The following UBASH3A variants were observed in gnomAD, a reference collection of about 807,000 sequenced individuals.
UBASH3A encodes ubiquitin associated and SH3 domain containing A.
Under a neutral mutation model 73.5 loss-of-function variants are expected in UBASH3A, and 63 were observed. That is an observed-to-expected ratio of 0.86 (90% CI 0.70 to 1.06). The LOEUF is 1.06. Among genes scored for constraint, UBASH3A ranks in the 50% least tolerant of loss-of-function variants. UBASH3A has a pLI of 0.00. For missense variants in UBASH3A, 860 were observed against 859.0 expected (o/e 1.00, Z -0.02); for synonymous variants, 363 against 351.1 (o/e 1.03, Z -0.38).
chr21:42,426,845 T>A lies in UBASH3A; in HGVS notation c.1170+25T>A, dbSNP rs77638392. The stretch of plus-strand genomic sequence containing the variant: ...GGTAATAGAACATTCCCTTTTTTCT[T>A]TTAAGTAAACTAAGCAAAACTACAC... On this transcript the variant is annotated intron_variant, in intron 8 of 14. Transcript: ENST00000319294. The A allele has an allele frequency of 3.2e-3, 5,167 of 1,611,034 alleles. 157 individuals carry two copies. In the African/African-American group the frequency reaches 0.06, roughly 19 times the overall value.
At position 42,441,633 on chromosome 21, in the gene UBASH3A, G is replaced by A. The variant is rs1291281375; in HGVS notation, c.1487-819G>A. On this transcript the variant is annotated intron_variant, in intron 11 of 14. Coordinates refer to ENST00000319294, the MANE Select transcript of UBASH3A (RefSeq NM_018961.4). ...CTGGTTGATGGGGGAGGACTCGGGG[G>A]CCTGGTTGATGGGGGAGGACTTGGA... Among the ~76,000 whole-genome samples the A allele has an allele frequency of 2.4e-5, 3 of 122,466 alleles. No individual in the cohort carries two copies. The South Asian group carries it at 1.0e-3, about 41-fold the overall frequency. The allele number at this position is 122,466 out of a possible 152,430, so 80.3% of individuals were successfully genotyped here.
At position 42,413,814 on chromosome 21, in the gene UBASH3A, T is replaced by G. The variant is rs1487699230; in HGVS notation, c.667+291T>G. On this transcript the variant is annotated intron_variant, in intron 5 of 14. Transcript: ENST00000319294. The surrounding 1 kb of genome is among the most constrained non-coding windows in gnomAD (Gnocchi z 4.5). Reference sequence around the variant, plus strand: ...TGAGCTTAGTGCTCTCTCCTTGGCCTCTCCAGGGAAAGATTATTTAGACTC... The same window carrying G: ...TGAGCTTAGTGCTCTCTCCTTGGCCGCTCCAGGGAAAGATTATTTAGACTC... 2.6e-5 allele frequency among the ~76,000 whole-genome samples: 4 copies of G among 152,104 alleles called. No individual in the cohort carries two copies. Among genetic ancestry groups the G allele is most frequent in the Non-Finnish European group, 4.4e-5 (3 of 68,032 alleles).
intron 3 of UBASH3A, among the ~76,000 whole-genome samples, chr21:42,410,967 TACAC>T (rs2053081026): frequency 1.8e-5 from 2 of 113,358 alleles, no homozygotes; most frequent in South Asian, 5.5e-4. Context: ...CACACACAGA[TACAC>T]ACACATACAT....
chr21:42,416,672 C>T (rs113577025), intron 6 of UBASH3A, 61 bp downstream of exon 6: 1 of 1,392,200 alleles, frequency 7.2e-7, no homozygotes, highest in Non-Finnish European at 9.4e-7. Flanking sequence ...CGGTGGCTCA[C>T]GCCTGTAATC....
chr21:42,447,010 T>G (rs927272829), intron 14 of UBASH3A, 47 bp from the exon 15 acceptor site: 1 of 1,582,434 alleles, frequency 6.3e-7, no homozygotes, highest in Non-Finnish European at 8.6e-7. Context: ...CTGAAATTGA[T>G]GGACTTGCTA....
At chr21:42,442,372 G>C (rs951946635) in intron 11 of UBASH3A, 80 bp from the exon 12 acceptor site, 1 of 1,428,786 alleles carries the variant, frequency 7.0e-7, no homozygotes, top group Admixed American at 1.8e-5. Flanking sequence ...GTGACGGTCT[G>C]AGATCTAAAA....
chr21:42,443,522 C>T, intron 13 of UBASH3A, 104 bp downstream of exon 13: 2 of 943,640 alleles, frequency 2.1e-6, no homozygotes, highest in South Asian at 1.8e-5. Context: ...GCCCCTACTT[C>T]TCCTGCCTGC....
chr21:42,405,021 T>C (rs1455768700), intron 1 of UBASH3A, among the ~76,000 whole-genome samples: 1 of 152,176 alleles, frequency 6.6e-6, no homozygotes, highest in Non-Finnish European at 1.5e-5. Flanking sequence ...TTTTTTCACA[T>C]GGAAAAATGT....
Position 42,403,957 on chromosome 21 carries a change from G to A in UBASH3A, c.12G>A (p.Gly4=), listed in dbSNP as rs1398505319. 2.0e-6 allele frequency: 3 copies of A among 1,509,928 alleles called. No individual in the cohort carries two copies. The highest frequency in any genetic ancestry group is 2.7e-6 in the Non-Finnish European group (3 of 1,122,988). 93.5% of individuals were successfully genotyped at this position (1,509,928 alleles called of 1,614,324 possible). Residue 4 remains glycine, a synonymous_variant, in exon 1 of 15, where the codon GGG becomes GGA. Transcript: ENST00000319294. The part of the protein sequence containing the change: MAA[G]ETQLYAKVSN... ...AAGGGCAGGAAGAGATGGCAGCGGG[G>A]GAGACGCAGCTCTACGCCAAGGTCT...
chr21:42,426,626 C>T, intron 7 of UBASH3A, 71 bp from the exon 8 acceptor site: 3 of 1,573,524 alleles, frequency 1.9e-6, no homozygotes, highest in Non-Finnish European at 2.6e-6. Flanking sequence ...ACATACATGA[C>T]CAGATGCTGG....
intron 3 of UBASH3A, among the ~76,000 whole-genome samples, chr21:42,412,240 A>C (rs1344998531): frequency 1.3e-5 from 2 of 152,250 alleles, no homozygotes; most frequent in South Asian, 4.2e-4. Context: ...CCCCGTGGGC[A>C]AGGCTGTCGG....
chr21:42,405,918 G>A (rs892476727), intron 1 of UBASH3A, among the ~76,000 whole-genome samples: 4 of 151,058 alleles, frequency 2.6e-5, no homozygotes, highest in African/African-American at 9.8e-5. Flanking sequence ...TGATGCTGGG[G>A]TGAGGAAAGC....
intron 11 of UBASH3A, among the ~76,000 whole-genome samples, chr21:42,440,982 C>T (rs929596185): frequency 2.0e-5 from 3 of 152,106 alleles, no homozygotes; most frequent in Non-Finnish European, 2.9e-5. Flanking sequence ...ATATAAAAAG[C>T]TTTCAAAAAT....
At chr21:42,424,812 G>A (rs564371820) in intron 7 of UBASH3A, among the ~76,000 whole-genome samples, 21 of 152,292 alleles carry the variant, frequency 1.4e-4, no homozygotes, top group African/African-American at 4.6e-4. Flanking sequence ...CTTTAAAGAG[G>A]TGACTAAGTT....
Position 42,409,549 on chromosome 21 carries a change from T to C in UBASH3A, c.295T>C (p.Cys99Arg), listed in dbSNP as rs765670582. 5.0e-6 allele frequency: 8 copies of C among 1,614,012 alleles called. No homozygotes were observed. The highest frequency in any genetic ancestry group is 6.8e-6 in the Non-Finnish European group (8 of 1,180,022). ...QEFWRESKRQ[C>R]AKNRAHEVFP... ...GTTCTGGAGAGAGAGCAAGCGCCAG[T>C]GTGCAAAGAACAGAGCTCATGAGGT... The change falls in exon 3 of 15, where the codon TGT becomes CGT. Residue 99 changes from cysteine (C) to arginine (R), a missense_variant. Cys to Arg is a radical substitution (Grantham distance 180). Coordinates refer to ENST00000319294, the MANE Select transcript of UBASH3A (RefSeq NM_018961.4).
In UBASH3A at chr21:42,444,614, T is replaced by C. The variant is rs1465714732; in HGVS notation, c.1819T>C (p.Cys607Arg). 1.2e-6 allele frequency: 2 copies of C among 1,614,118 alleles called. No homozygotes were observed. Among genetic ancestry groups the C allele is most frequent in the Non-Finnish European group, 1.7e-6 (2 of 1,180,044 alleles). Reference sequence around the variant, plus strand: ...ACTGCTCGGGCTGCCGCCCCGGGAATGTGGGGATTTTGCCCAACTCGTGAG... The same window carrying C: ...ACTGCTCGGGCTGCCGCCCCGGGAACGTGGGGATTTTGCCCAACTCGTGAG... Reference protein sequence around the residue: ...RPLLGLPPRECGDFAQLVRKI... With the variant: ...RPLLGLPPRERGDFAQLVRKI... The change falls in exon 14 of 15, where the codon TGT becomes CGT. Residue 607 changes from cysteine (C) to arginine (R), a missense_variant. By Grantham distance (180) the Cys-to-Arg change is radical. Transcript: ENST00000319294.
chr21:42,406,744 A>T lies in UBASH3A; in HGVS notation c.167+383A>T, dbSNP rs547794559. Among the ~76,000 whole-genome samples, 7 of 119,896 alleles carry T rather than the reference A, an allele frequency of 5.8e-5. No individual in the cohort carries two copies. The South Asian group carries it at 1.8e-3, about 31-fold the overall frequency. 78.7% of individuals were successfully genotyped at this position (119,896 alleles called of 152,430 possible). On this transcript the variant is annotated intron_variant, in intron 2 of 14. Coordinates refer to ENST00000319294, the MANE Select transcript of UBASH3A (RefSeq NM_018961.4). ...TTAGAATAAAGTAATTAGGTTAAAA[A>T]TGGTAACATTTGGGTTTATATTAGT...
intron 2 of UBASH3A, among the ~76,000 whole-genome samples, chr21:42,408,962 A>C (rs1449891654): frequency 6.6e-6 from 1 of 151,970 alleles, no homozygotes; most frequent in Admixed American, 6.6e-5. Flanking sequence ...AACTGTCTGA[A>C]TCTAAAGAAA....
rs2053048720 is a variant in UBASH3A at position 42,409,538 on chromosome 21, G to A, written c.284G>A (p.Ser95Asn). ...LEKLQEFWRE[S>N]KRQCAKNRAH... Reference sequence around the variant, plus strand: ...AAACTTCAAGAGTTCTGGAGAGAGAGCAAGCGCCAGTGTGCAAAGAACAGA... The same window carrying A: ...AAACTTCAAGAGTTCTGGAGAGAGAACAAGCGCCAGTGTGCAAAGAACAGA... Residue 95 changes from serine (S) to asparagine (N), a missense_variant, in exon 3 of 15, where the codon AGC becomes AAC. Ser to Asn is a conservative substitution (Grantham distance 46). Coordinates refer to ENST00000319294, the MANE Select transcript of UBASH3A (RefSeq NM_018961.4). The A allele has an allele frequency of 6.2e-6, 10 of 1,614,146 alleles. No homozygotes were observed. Among genetic ancestry groups the A allele is most frequent in the Non-Finnish European group, 8.5e-6 (10 of 1,180,028 alleles).
Sources: gnomAD v4.1 joint callset for allele counts (sites outside exome capture counted in the v4.1 genomes callset) on GRCh38, gnomAD v4.1.1 for gene constraint, Gnocchi (gnomAD v3.1) non-coding constraint, MANE v1.5 for transcripts, NCBI Gene and HGNC (gene_info 2026-07-23, HGNC 2026-07-21) for gene names.